CLC: variants seen among roughly 807,000 people sequenced by gnomAD.
The protein encoded by CLC is galectin-10.
CLC carries 15 observed loss-of-function variants against 13.9 expected under a neutral mutation model. The observed-to-expected ratio is 1.08, with a 90% CI of 0.72 to 1.66. The LOEUF is 1.66. CLC is among the 40% of genes most tolerant of loss of function. The probability of loss-of-function intolerance (pLI) is 0.00; values close to 1 mark genes in which losing one functional copy is unlikely to be tolerated. For synonymous variants in CLC, 68 were observed against 59.9 expected (o/e 1.14, Z -0.63); for missense variants, 161 against 169.1 (o/e 0.95, Z 0.27).
At position 39,737,938 on chromosome 19, in the gene CLC, G is replaced by C; in HGVS notation, c.15C>G (p.Pro5=). 1 of 1,612,326 alleles carries C rather than the reference G, an allele frequency of 6.2e-7. No individual in the cohort carries two copies. The change falls in exon 1 of 4, where the codon CCC becomes CCG. Residue 5 remains proline, a splice_region_variant and synonymous_variant. Transcript: ENST00000221804. The part of the protein sequence containing the change: MSLL[P]VPYTEAASLS... ...TGAAGGCTGTGCCTTTTTAACTCACGGGTAGCAGGGACATTGTTGTCTCCT... is the reference window on the plus strand; with the variant it reads ...TGAAGGCTGTGCCTTTTTAACTCACCGGTAGCAGGGACATTGTTGTCTCCT...
At chr19:39,733,966 A>G (rs1381733913) in intron 3 of CLC, 30 of 985,178 alleles carry the variant, frequency 3.0e-5, no homozygotes, top group Non-Finnish European at 3.4e-5. Flanking sequence ...GGAAAATGGC[A>G]AGTGAACCGA....
chr19:39,737,240 A>G (rs1447321739), intron 1 of CLC, among the ~76,000 whole-genome samples: 1 of 151,074 alleles, frequency 6.6e-6, no homozygotes, highest in African/African-American at 2.4e-5. Context: ...TCTCACCCCC[A>G]TTCTGCTTGG....
intron 1 of CLC, among the ~76,000 whole-genome samples, chr19:39,737,650 AG>A (rs907557800): frequency 3.9e-5 from 6 of 152,090 alleles, no homozygotes; most frequent in Admixed American, 2.0e-4. Context: ...CATATCCTGG[AG>A]GGCCATACAC....
chr19:39,735,411 C>A (rs1215739082), intron 1 of CLC, among the ~76,000 whole-genome samples: 1 of 152,202 alleles, frequency 6.6e-6, no homozygotes, highest in Non-Finnish European at 1.5e-5. Flanking sequence ...TCAACCTCAA[C>A]CTCCCAGGCT....
chr19:39,731,305 A>G lies in CLC; in HGVS notation c.*75T>C. ...CAGGAGTAAGGATTGAAGTGAGAAA[A>G]GATCATGCTGTTAGCTGGCTTTGGA... On this transcript the variant is annotated 3_prime_UTR_variant, in exon 4 of 4. Coordinates refer to ENST00000221804, the MANE Select transcript of CLC (RefSeq NM_001828.6). 7.5e-6 allele frequency: 11 copies of G among 1,469,806 alleles called. No individual in the cohort carries two copies. The South Asian group carries it at 1.3e-4, about 17-fold the overall frequency. 91.0% of individuals were successfully genotyped at this position (1,469,806 alleles called of 1,614,324 possible). A position where few individuals can be genotyped will look rare whatever the true frequency, so the allele number is the denominator to read the frequency against.
At position 39,731,638 on chromosome 19, in the gene CLC, A is replaced by T. The variant is rs920178925; in HGVS notation, c.304-133T>A. On this transcript the variant is annotated intron_variant, in intron 3 of 3. Coordinates refer to ENST00000221804, the MANE Select transcript of CLC (RefSeq NM_001828.6). ...CATTATATATCTGAACCCAGTAGAC[A>T]CACTTCTTTTTTACAGACTACCTGT... 5.0e-5 allele frequency: 42 copies of T among 848,198 alleles called. No homozygotes were observed. In the Admixed American group the frequency reaches 1.1e-3, roughly 22 times the overall value. 52.5% of individuals were successfully genotyped at this position (848,198 alleles called of 1,614,324 possible).
At position 39,731,446 on chromosome 19, in the gene CLC, C is replaced by T; in HGVS notation, c.363G>A (p.Val121=). Reference sequence around the variant, plus strand: ...TATCTCTCCACACTTGCACCATCTTCACAGCCTCAGGCTTGATTCTATGGT... The same window carrying T: ...TATCTCTCCACACTTGCACCATCTTTACAGCCTCAGGCTTGATTCTATGGT... ...TFDHRIKPEA[V]KMVQVWRDIS... Residue 121 remains valine, a synonymous_variant, in exon 4 of 4, where the codon GTG becomes GTA. Transcript: ENST00000221804. 1.2e-6 allele frequency: 2 copies of T among 1,613,792 alleles called. No homozygotes were observed. Among genetic ancestry groups the T allele is most frequent in the Non-Finnish European group, 1.7e-6 (2 of 1,179,728 alleles).
chr19:39,732,147 T>C (rs1429923611), intron 3 of CLC, among the ~76,000 whole-genome samples: 1 of 138,836 alleles, frequency 7.2e-6, no homozygotes, highest in Non-Finnish European at 1.6e-5. Context: ...TAGTTACATA[T>C]GTATACATGT....
chr19:39,736,774 CAAAAA>C (rs71171518), intron 1 of CLC, among the ~76,000 whole-genome samples: 3,579 of 138,066 alleles, frequency 0.026, 142 homozygotes, highest in African/African-American at 0.084. Flanking sequence ...GACTCTGTCT[CAAAAA>C]AAAAAAAAAA....
chr19:39,734,627 C>T (rs1304826643), intron 2 of CLC, 134 bp from the exon 3 acceptor site: 2 of 711,656 alleles, frequency 2.8e-6, no homozygotes, highest in Non-Finnish European at 4.8e-6. Context: ...CATTGTGGGG[C>T]TGCTTCAGCT....
chr19:39,731,575 G>A, intron 3 of CLC, 70 bp from the exon 4 acceptor site: 1 of 1,502,468 alleles, frequency 6.7e-7, no homozygotes, highest in South Asian at 1.3e-5. Flanking sequence ...GCTCTCTATG[G>A]TGTCATAGTA....
Position 39,737,949 on chromosome 19 carries a change from A to C in CLC, c.4T>G (p.Ser2Ala), listed in dbSNP as rs1464578887. 1 of 1,612,684 alleles carries C rather than the reference A, an allele frequency of 6.2e-7. No individual in the cohort carries two copies. The highest frequency in any genetic ancestry group is 8.5e-7 in the Non-Finnish European group (1 of 1,179,078). The change falls in exon 1 of 4, where the codon TCC (serine) becomes GCC (alanine). Residue 2 changes from serine (S) to alanine (A), a missense_variant. Ser to Ala is a moderately conservative substitution (Grantham distance 99, BLOSUM62 1). Coordinates refer to ENST00000221804, the MANE Select transcript of CLC (RefSeq NM_001828.6). The part of the protein sequence containing the change: M[S>A]LLPVPYTEAA... ...CCTTTTTAACTCACGGGTAGCAGGG[A>C]CATTGTTGTCTCCTTCTGGGTGGCT...
chr19:39,736,538 GCCAA>G (rs1166392080), intron 1 of CLC, among the ~76,000 whole-genome samples: 1 of 152,144 alleles, frequency 6.6e-6, no homozygotes, highest in Non-Finnish European at 1.5e-5. Flanking sequence ...ACTTTGGGAG[GCCAA>G]GGTGGGTGCA....
chr19:39,736,244 G>C (rs1270021844), intron 1 of CLC, among the ~76,000 whole-genome samples: 1 of 151,012 alleles, frequency 6.6e-6, no homozygotes, highest in African/African-American at 2.4e-5. Context: ...AGAGGGAAAC[G>C]AACAGGAAAG....
At chr19:39,734,023 A>G (rs906331969) in intron 3 of CLC, 18 of 985,304 alleles carry the variant, frequency 1.8e-5, no homozygotes, top group Non-Finnish European at 2.0e-5. Flanking sequence ...ATGGCAGTGC[A>G]AGGAGAGGTG....
At chr19:39,737,503 C>T (rs1051774154) in intron 1 of CLC, among the ~76,000 whole-genome samples, 6 of 151,936 alleles carry the variant, frequency 3.9e-5, no homozygotes, top group Non-Finnish European at 8.8e-5. Flanking sequence ...CCGTGCCACT[C>T]ACTGAGTCAC....
At chr19:39,732,963 G>T (rs1263469848) in intron 3 of CLC, among the ~76,000 whole-genome samples, 1 of 142,396 alleles carries the variant, frequency 7.0e-6, no homozygotes, top group Non-Finnish European at 1.5e-5. Context: ...CACAGCAAAA[G>T]AAACTACCAT....
intron 1 of CLC, among the ~76,000 whole-genome samples, chr19:39,737,718 C>T (rs1187799063): frequency 6.6e-6 from 1 of 152,120 alleles, no homozygotes; most frequent in African/African-American, 2.4e-5. Context: ...GATACCATCA[C>T]ATGCTCACAG....
rs1161393104 is a variant in CLC, at chr19:39,731,421, T to C, written c.388A>G (p.Ile130Val). 1 of 1,613,542 alleles carries C rather than the reference T, an allele frequency of 6.2e-7. No individual in the cohort carries two copies. ...AVKMVQVWRD[I>V]SLTKFNVSYL... Reference sequence around the variant, plus strand: ...CTGACATTAAATTTGGTCAGGGAGATATCTCTCCACACTTGCACCATCTTC... The same window carrying C: ...CTGACATTAAATTTGGTCAGGGAGACATCTCTCCACACTTGCACCATCTTC... Residue 130 changes from isoleucine to valine, a missense_variant, in exon 4 of 4, where the codon ATC becomes GTC. By Grantham distance (29) the Ile-to-Val change is conservative (BLOSUM62 3). Coordinates refer to ENST00000221804, the MANE Select transcript of CLC (RefSeq NM_001828.6).
Sources: allele counts gnomAD v4.1 joint callset (sites outside exome capture counted in the v4.1 genomes callset), GRCh38; gene constraint gnomAD v4.1.1; transcripts MANE v1.5; gene names NCBI Gene and HGNC (gene_info 2026-07-23, HGNC 2026-07-21).